Variants in GNAT3 observed in about 807,000 individuals in gnomAD.
GNAT3 encodes the protein G protein subunit alpha transducin 3.
In GNAT3, 31 loss-of-function variants were observed where a neutral mutation model predicts 37.7. The observed-to-expected ratio is 0.82, with a 90% CI of 0.62 to 1.11. The LOEUF (loss-of-function observed/expected upper bound fraction) is 1.11. Ranked by LOEUF, GNAT3 falls within the 50% of genes most tolerant of loss-of-function variation. The pLI is 0.00. For missense variants in GNAT3, 437 were observed against 412.5 expected, an observed-to-expected ratio of 1.06 and a Z score of -0.51; for synonymous variants, 138 against 139.8, an observed-to-expected ratio of 0.99 and a Z score of 0.09.
intron 7 of GNAT3, among the ~76,000 whole-genome samples, chr7:80,461,747 G>C (rs901707226): frequency 6.6e-6 from 1 of 152,080 alleles, no homozygotes; most frequent in Admixed American, 6.5e-5. Flanking sequence ...ATTCATTCAT[G>C]CTATATCTCT....
Position 80,494,597 on chromosome 7 carries a change from A to T in GNAT3, c.161+8T>A. ...AATATTAAACACTTGAGACAGATGT[A>T]TACCTACTTCATTTGTTTAACAATA... On this transcript the variant is annotated splice_region_variant and intron_variant, in intron 2 of 7. Coordinates refer to ENST00000398291, the MANE Select transcript of GNAT3 (RefSeq NM_001102386.3). The T allele has an allele frequency of 6.9e-7, 1 of 1,458,668 alleles. No individual in the cohort carries two copies. Among genetic ancestry groups the T allele is most frequent in the Non-Finnish European group, 9.5e-7 (1 of 1,055,424 alleles). 90.4% of individuals were successfully genotyped at this position (1,458,668 alleles called of 1,614,324 possible).
rs183157712 is a variant in GNAT3 at position 80,460,563 on chromosome 7, C to T, written c.874+1596G>A. Among the ~76,000 whole-genome samples, 335 of 152,208 alleles carry T rather than the reference C, an allele frequency of 2.2e-3. 1 individual carries two copies. The highest frequency in any genetic ancestry group is 7.6e-3 in the African/African-American group (314 of 41,532). On this transcript the variant is annotated intron_variant, in intron 7 of 7. Transcript: ENST00000398291. ...AGGAGTTCAAGACCAGCCTGGCCAA[C>T]ATGGTGAAATCCCGTCTCTACTAAA...
At chr7:80,478,041 G>T (rs886565218) in intron 4 of GNAT3, among the ~76,000 whole-genome samples, 1 of 152,160 alleles carries the variant, frequency 6.6e-6, no homozygotes, top group African/African-American at 2.4e-5. Context: ...TTCCCAAGTA[G>T]CTGGGACTAC....
At chr7:80,497,629 C>CATATACGTATATACATATACGTATATGT (rs1790753673) in intron 1 of GNAT3, among the ~76,000 whole-genome samples, 7 of 116,280 alleles carry the variant, frequency 6.0e-5, no homozygotes, top group African/African-American at 3.1e-4. Flanking sequence ...TACGTATATA[C>CATATACGTATATACATATACGTATATGT]ATATACGTAT....
intron 1 of GNAT3, among the ~76,000 whole-genome samples, chr7:80,511,137 T>C (rs557425306): frequency 6.6e-6 from 1 of 152,184 alleles, no homozygotes; most frequent in South Asian, 2.1e-4. Context: ...ATTTATTGAA[T>C]TTATAGTCAA....
chr7:80,507,612 G>T (rs1268710657), intron 1 of GNAT3, among the ~76,000 whole-genome samples: 1 of 151,906 alleles, frequency 6.6e-6, no homozygotes, highest in Non-Finnish European at 1.5e-5. Flanking sequence ...AGTACAAAAC[G>T]CATTACAGTT....
chr7:80,494,492 C>T, intron 2 of GNAT3, 113 bp downstream of exon 2: 1 of 645,702 alleles, frequency 1.5e-6, no homozygotes, highest in Non-Finnish European at 2.8e-6. Flanking sequence ...ACTCTATGAT[C>T]CATGATTTAG....
At chr7:80,461,203 T>G (rs1007507927) in intron 7 of GNAT3, among the ~76,000 whole-genome samples, 3 of 152,126 alleles carry the variant, frequency 2.0e-5, no homozygotes, top group Non-Finnish European at 4.4e-5. Flanking sequence ...TAGTAACATC[T>G]GGGCAACCTT....
intron 4 of GNAT3, among the ~76,000 whole-genome samples, chr7:80,475,248 T>C (rs984185178): frequency 6.6e-6 from 1 of 151,526 alleles, no homozygotes; most frequent in Non-Finnish European, 1.5e-5. Flanking sequence ...GGTGTGGTGA[T>C]GAACAGGAAT....
At chr7:80,509,650 C>T (rs1209505230) in intron 1 of GNAT3, among the ~76,000 whole-genome samples, 1 of 152,038 alleles carries the variant, frequency 6.6e-6, no homozygotes. Flanking sequence ...GGGTCCCAGT[C>T]AATGGCTCTG....
chr7:80,466,431 A>G (rs1645733149), intron 5 of GNAT3, among the ~76,000 whole-genome samples: 1 of 151,554 alleles, frequency 6.6e-6, no homozygotes, highest in African/African-American at 2.4e-5. Context: ...AGTCTGAGAA[A>G]CTCCTCTCTT....
intron 1 of GNAT3, among the ~76,000 whole-genome samples, chr7:80,509,041 A>G (rs1290715737): frequency 6.6e-6 from 1 of 152,124 alleles, no homozygotes; most frequent in African/African-American, 2.4e-5. Flanking sequence ...CATTCAGACG[A>G]CACTGATGAA....
intron 2 of GNAT3, among the ~76,000 whole-genome samples, chr7:80,489,143 T>TA (rs1790543891): frequency 6.6e-6 from 1 of 152,126 alleles, no homozygotes; most frequent in African/African-American, 2.4e-5. Flanking sequence ...TTTACAGCAT[T>TA]AACAAAGGCA....
intron 5 of GNAT3, 50 bp downstream of exon 5, chr7:80,474,201 A>C (rs778082680): frequency 1.9e-6 from 3 of 1,561,674 alleles, no homozygotes; most frequent in Middle Eastern, 1.7e-4. Flanking sequence ...AGGAAATATT[A>C]AGCCTGATGC....
intron 5 of GNAT3, among the ~76,000 whole-genome samples, chr7:80,469,593 T>G (rs1360603028): frequency 6.6e-6 from 1 of 152,190 alleles, no homozygotes; most frequent in Non-Finnish European, 1.5e-5. Context: ...TTGGCAGAGA[T>G]AATTTTTCAT....
At chr7:80,474,437 A>T in intron 4 of GNAT3, 58 bp from the exon 5 acceptor site, 6 of 719,316 alleles carry the variant, frequency 8.3e-6, no homozygotes, top group Non-Finnish European at 1.4e-5. Context: ...ATACATACAT[A>T]TATGTATATA....
chr7:80,473,612 G>A lies in GNAT3; in HGVS notation c.590+639C>T, dbSNP rs1584173199. ...TATTGTCCACAATCCATACAAAAAG[G>A]TATTTAAATATTAAGGGATATTTTC... On this transcript the variant is annotated intron_variant, in intron 5 of 7. Transcript: ENST00000398291. Among the ~76,000 whole-genome samples the A allele has an allele frequency of 2.0e-5, 3 of 152,140 alleles. No individual in the cohort carries two copies. The South Asian group carries it at 6.2e-4, about 32-fold the overall frequency.
At position 80,488,679 on chromosome 7, in the gene GNAT3, A is replaced by C; in HGVS notation, c.162-3T>G. ...TGTAACCATTCTTATGGATGATCCT[A>C]TAATTTAAACATGAAAAGTTTCTGT... On this transcript the variant is annotated splice_polypyrimidine_tract_variant and splice_region_variant and intron_variant, in intron 2 of 7. Transcript: ENST00000398291. The C allele has an allele frequency of 6.4e-7, 1 of 1,564,110 alleles. No individual in the cohort carries two copies. The highest frequency in any genetic ancestry group is 8.7e-7 in the Non-Finnish European group (1 of 1,150,892).
intron 7 of GNAT3, among the ~76,000 whole-genome samples, chr7:80,460,771 T>C (rs939539864): frequency 1.3e-4 from 19 of 151,844 alleles, no homozygotes; most frequent in Non-Finnish European, 2.4e-4. Context: ...AGATGGACTT[T>C]AGTTAATAAT....
Sources: gnomAD v4.1 joint callset for allele counts (sites outside exome capture counted in the v4.1 genomes callset) on GRCh38, gnomAD v4.1.1 for gene constraint, MANE v1.5 for transcripts, NCBI Gene and HGNC (gene_info 2026-07-23, HGNC 2026-07-21) for gene names.